The following CDYL variants were observed in gnomAD, a reference collection of about 807,000 sequenced individuals.
The protein encoded by CDYL is chromodomain Y like, also known as chromodomain Y-like protein.
Under a neutral mutation model 47.3 loss-of-function variants are expected in CDYL, and 8 were observed. That is an observed-to-expected ratio of 0.17 (90% CI 0.10 to 0.31). The LOEUF is 0.31. Ranked by LOEUF, CDYL falls within the 10% of genes least tolerant of loss-of-function variation. The pLI, the probability that CDYL is intolerant of heterozygous loss-of-function variation, is 1.00. For missense variants in CDYL, 471 were observed against 701.4 expected (o/e 0.67, Z 3.71); for synonymous variants, 266 against 265.0 (o/e 1.00, Z -0.04).
intron 1 of CDYL, among the ~76,000 whole-genome samples, chr6:4,879,229 TTAGTGAATTATATA>T (rs1039367675): frequency 6.6e-6 from 1 of 152,218 alleles, no homozygotes; most frequent in East Asian, 1.9e-4. Flanking sequence ...GTTGAAGTCT[TTAGTGAATTATATA>T]TCTATCAGTT....
chr6:4,847,107 C>G (rs1760683242), intron 1 of CDYL, among the ~76,000 whole-genome samples: 1 of 152,166 alleles, frequency 6.6e-6, no homozygotes, highest in African/African-American at 2.4e-5. Context: ...CATGGACCAC[C>G]CAGGAATGCC....
chr6:4,903,311 C>T (rs1032808236), intron 2 of CDYL, among the ~76,000 whole-genome samples: 1 of 152,142 alleles, frequency 6.6e-6, no homozygotes, highest in Non-Finnish European at 1.5e-5. Context: ...CAGCTGCATC[C>T]CAGTGCTCAA....
At chr6:4,719,290 A>G (rs1007413228) in intron 2 of CDYL, among the ~76,000 whole-genome samples, 1 of 152,220 alleles carries the variant, frequency 6.6e-6, no homozygotes, top group Non-Finnish European at 1.5e-5. Context: ...TTGTGCATGT[A>G]TCTGGGTGTC....
At chr6:4,916,021 C>T (rs1286961375) in intron 2 of CDYL, among the ~76,000 whole-genome samples, 1 of 152,302 alleles carries the variant, frequency 6.6e-6, no homozygotes, top group South Asian at 2.1e-4. Flanking sequence ...CTCCCCACCC[C>T]GCCACCCCAT....
intron 2 of CDYL, among the ~76,000 whole-genome samples, chr6:4,908,891 C>T (rs1212621539): frequency 6.6e-6 from 1 of 152,220 alleles, no homozygotes; most frequent in Non-Finnish European, 1.5e-5. Flanking sequence ...CACATTCTGC[C>T]TGTCTGTTGA....
At chr6:4,943,061 A>G (rs1758407781) in intron 4 of CDYL, among the ~76,000 whole-genome samples, 2 of 152,242 alleles carry the variant, frequency 1.3e-5, no homozygotes, top group South Asian at 2.1e-4. Flanking sequence ...GGCCAGACCC[A>G]GATCCCAGGG....
intron 2 of CDYL, among the ~76,000 whole-genome samples, chr6:4,929,097 A>C (rs1299508531): frequency 6.6e-6 from 1 of 152,108 alleles, no homozygotes; most frequent in Non-Finnish European, 1.5e-5. Flanking sequence ...CCTGAAGAAC[A>C]TTTTTTAACA....
intron 6 of CDYL, among the ~76,000 whole-genome samples, chr6:4,953,198 A>G (rs1173981493): frequency 6.6e-6 from 1 of 151,876 alleles, no homozygotes; most frequent in Admixed American, 6.5e-5. Flanking sequence ...AGCCTGGCCA[A>G]CATGGCAAAA....
intron 2 of CDYL, among the ~76,000 whole-genome samples, chr6:4,908,306 C>G (rs576533102): frequency 6.6e-6 from 1 of 152,164 alleles, no homozygotes; most frequent in Admixed American, 6.5e-5. Flanking sequence ...GGCAGGCCAT[C>G]CAGGCCGTGT....
chr6:4,708,687 A>G (rs568342243), intron 1 of CDYL, among the ~76,000 whole-genome samples: 3 of 152,352 alleles, frequency 2.0e-5, no homozygotes, highest in African/African-American at 7.2e-5. Flanking sequence ...ATGCATATTT[A>G]AAGCAATACT....
chr6:4,710,379 G>GGGAAGGAAGGAAGGAAGGAAGGGA (rs1757129270), intron 1 of CDYL, among the ~76,000 whole-genome samples: 1 of 101,162 alleles, frequency 9.9e-6, no homozygotes, highest in African/African-American at 3.2e-5. Flanking sequence ...GAGGGAGGGA[G>GGGAAGGAAGGAAGGAAGGAAGGGA]GGAAGGAAGG....
intron 1 of CDYL, among the ~76,000 whole-genome samples, chr6:4,869,507 CTT>C (rs1249842042): frequency 6.6e-6 from 1 of 152,080 alleles, no homozygotes; most frequent in Non-Finnish European, 1.5e-5. Context: ...CTGTTTATCT[CTT>C]GTCAGTTTAT....
rs117957138 is a variant in CDYL, at chr6:4,953,365, C to G, written c.1477-533C>G. The stretch of plus-strand genomic sequence containing the variant: ...CGCCACTGCTGTCCAGCCTGGGCAA[C>G]AAAGCAAGACCCTGTGTCAAAAAAA... On this transcript the variant is annotated intron_variant, in intron 6 of 6. Coordinates refer to ENST00000397588, the MANE Select transcript of CDYL (RefSeq NM_004824.4). Among the ~76,000 whole-genome samples the G allele has an allele frequency of 2.0e-3, 298 of 151,452 alleles. 7 individuals are homozygous for G. The East Asian group carries it at 0.055, about 28-fold the overall frequency.
At chr6:4,841,922 T>G (rs1440892117) in intron 1 of CDYL, among the ~76,000 whole-genome samples, 1 of 148,942 alleles carries the variant, frequency 6.7e-6, no homozygotes, top group Non-Finnish European at 1.5e-5. Context: ...TTGTTATAAG[T>G]TATAGTTTAA....
intron 1 of CDYL, among the ~76,000 whole-genome samples, chr6:4,709,527 C>T (rs930241963): frequency 3.3e-5 from 5 of 152,232 alleles, no homozygotes; most frequent in Non-Finnish European, 7.4e-5. Context: ...TTCTCTTACA[C>T]CTAGTGATGA....
intron 1 of CDYL, among the ~76,000 whole-genome samples, chr6:4,708,145 TACAC>T (rs66538207): frequency 0.026 from 3,905 of 149,560 alleles, 61 homozygotes; most frequent in Middle Eastern, 0.045. Flanking sequence ...TTGTGTTGTG[TACAC>T]ACACACACAC....
intron 2 of CDYL, chr6:4,724,902 G>C (rs186050156): frequency 6.6e-6 from 1 of 152,188 alleles, no homozygotes; most frequent in Non-Finnish European, 1.5e-5. Flanking sequence ...GGCTCGGGCA[G>C]CCTGCTTTTA....
rs372602686 is a variant in CDYL at position 4,944,985 on chromosome 6, G to T, written c.1332+1229G>T. On this transcript the variant is annotated intron_variant, in intron 5 of 6. Transcript: ENST00000397588. ...TCATGAGGAACGTCAGGCCCAGACT[G>T]GGGGGCAGTCTGCAGACACCCGCAG... Among the ~76,000 whole-genome samples the T allele has an allele frequency of 2.0e-5, 3 of 152,084 alleles. No individual in the cohort carries two copies. The South Asian group carries it at 6.2e-4, about 32-fold the overall frequency.
At chr6:4,953,830 T>C in intron 6 of CDYL, 68 bp from the exon 7 acceptor site, 1 of 1,422,146 alleles carries the variant, frequency 7.0e-7, no homozygotes, top group Non-Finnish European at 9.6e-7. Context: ...TCCGTAAATG[T>C]GGAGGCACAG....
Sources: gnomAD v4.1 joint callset for allele counts (sites outside exome capture counted in the v4.1 genomes callset) on GRCh38, gnomAD v4.1.1 for gene constraint, MANE v1.5 for transcripts, NCBI Gene and HGNC (gene_info 2026-07-23, HGNC 2026-07-21) for gene names.